Variants in CEP72 observed in about 807,000 individuals in gnomAD.
CEP72 encodes centrosomal protein of 72 kDa.
Under a neutral mutation model 65.7 loss-of-function variants are expected in CEP72, and 78 were observed. The ratio of observed to expected loss-of-function variants is 1.19; its 90% CI spans 0.99 to 1.43. The LOEUF is 1.43. Among genes scored for constraint, CEP72 ranks in the 40% most tolerant of loss-of-function variants. The pLI, the probability that CEP72 is intolerant of heterozygous loss-of-function variation, is 0.00. For synonymous variants in CEP72, 358 were observed against 351.7 expected, an observed-to-expected ratio of 1.02 and a Z score of -0.20; for missense variants, 914 against 832.9, an observed-to-expected ratio of 1.10 and a Z score of -1.20.
At chr5:664,815 T>G (rs1015096700) in intron 2 of CEP72, 11 of 395,740 alleles carry the variant, frequency 2.8e-5, no homozygotes, top group Non-Finnish European at 4.6e-5. Flanking sequence ...GCAAACCACG[T>G]GCCCAGTGTG....
the CEP72 span, among the ~76,000 whole-genome samples, chr5:673,815 TG>T: frequency 2.0e-4 from 31 of 152,164 alleles, no homozygotes; most frequent in Admixed American, 9.8e-4. Flanking sequence ...CCAGACCAGC[TG>T]GGGCTCCTCC....
Position 612,341 on chromosome 5 carries a change from T to C in CEP72, c.-21T>C, listed in dbSNP as rs543994714. ...CGCCCCGCCCGCCGCGCAGGCGCCG[T>C]CCGAGGGCTCCGTTTGAAACATGGC... On this transcript the variant is annotated 5_prime_UTR_variant, in exon 1 of 12. Transcript: ENST00000264935. 2.7e-4 allele frequency: 399 copies of C among 1,483,320 alleles called. 2 individuals carry two copies. In the South Asian group the frequency reaches 4.5e-3, roughly 17 times the overall value. 91.9% of individuals were successfully genotyped at this position (1,483,320 alleles called of 1,614,324 possible).
At chr5:666,484 C>T (rs1248093722) in intron 4 of CEP72, among the ~76,000 whole-genome samples, 1 of 152,230 alleles carries the variant, frequency 6.6e-6, no homozygotes, top group African/African-American at 2.4e-5. Context: ...CTAGGACCTG[C>T]TGGGGCCCCG....
At position 619,400 on chromosome 5, in the gene CEP72, C is replaced by G. The variant is rs567230539; in HGVS notation, c.210+283C>G. Among the ~76,000 whole-genome samples, 4 of 152,334 alleles carry G rather than the reference C, an allele frequency of 2.6e-5. No homozygotes were observed. In the East Asian group the frequency reaches 7.7e-4, roughly 29 times the overall value. ...AGTGGGCCTGGGGCTGCCTCCTGGG[C>G]TCCTGGCAGGGTCACCCTGGAGAGA... On this transcript the variant is annotated intron_variant, in intron 2 of 11. Coordinates refer to ENST00000264935, the MANE Select transcript of CEP72 (RefSeq NM_018140.4).
intron 11 of CEP72, 147 bp from the exon 12 acceptor site, chr5:652,841 A>G: frequency 1.2e-6 from 1 of 868,742 alleles, no homozygotes; most frequent in East Asian, 2.9e-5. Flanking sequence ...TGGGACACAG[A>G]AGGTGATGGG....
chr5:652,532 A>G (rs1417793770), intron 11 of CEP72, among the ~76,000 whole-genome samples: 3 of 152,256 alleles, frequency 2.0e-5, no homozygotes, highest in Non-Finnish European at 4.4e-5. Context: ...CAACAGCATT[A>G]AAGACTAGGA....
At chr5:648,517 T>G in intron 11 of CEP72, among the ~76,000 whole-genome samples, 1 of 80,592 alleles carries the variant, frequency 1.2e-5, no homozygotes, top group Non-Finnish European at 2.4e-5. Flanking sequence ...GTGTGGACTG[T>G]GAGGTGTGAC....
chr5:651,493 T>G (rs1304915606), intron 11 of CEP72, among the ~76,000 whole-genome samples: 1 of 151,974 alleles, frequency 6.6e-6, no homozygotes, highest in African/African-American at 2.4e-5. Context: ...CTGGTTCCCC[T>G]GGGCGGTAGT....
In CEP72 at chr5:644,379, A is replaced by C; in HGVS notation, c.1620A>C (p.Glu540Asp). The change falls in exon 10 of 12, where the codon GAA (glutamate) becomes GAC (aspartate). Residue 540 changes from glutamate (E) to aspartate (D), a missense_variant. Glu to Asp is a conservative substitution (Grantham distance 45). Transcript: ENST00000264935. ...LKSLLLSMKK[E>D]VKSADTAATL... ...CGCTTTTGTTGAGTATGAAAAAGGA[A>C]GTGAAGAGTGCAGACACTGCAGCCA... The C allele has an allele frequency of 6.2e-7, 1 of 1,613,990 alleles. No individual in the cohort carries two copies.
chr5:633,676 G>A, intron 4 of CEP72, 93 bp from the exon 5 acceptor site: 1 of 1,242,612 alleles, frequency 8.0e-7, no homozygotes. Context: ...GCTTCTCTCA[G>A]AGACCGTGCA....
In CEP72 at chr5:649,814, G is replaced by C. The variant is rs1229872401; in HGVS notation, c.1778+1898G>C. Among the ~76,000 whole-genome samples the C allele has an allele frequency of 3.3e-5, 3 of 89,974 alleles. 1 individual carries two copies. Among genetic ancestry groups the C allele is most frequent in the Non-Finnish European group, 7.1e-5 (3 of 42,412 alleles). The allele number at this position is 89,974 out of a possible 152,430, so 59.0% of individuals were successfully genotyped here. A position where few individuals can be genotyped will look rare whatever the true frequency, so the allele number is the denominator to read the frequency against. On this transcript the variant is annotated intron_variant, in intron 11 of 11. Transcript: ENST00000264935. The stretch of plus-strand genomic sequence containing the variant: ...TGAGGTGTGACTGTGAGGTGTGACT[G>C]TGAGGTGTGGACTGTGAGGCGTGAC...
At chr5:619,754 A>G (rs1399778775) in intron 2 of CEP72, among the ~76,000 whole-genome samples, 1 of 152,080 alleles carries the variant, frequency 6.6e-6, no homozygotes, top group Non-Finnish European at 1.5e-5. Flanking sequence ...GATGGTTCTC[A>G]CCCTGTAGGG....
intron 11 of CEP72, among the ~76,000 whole-genome samples, chr5:651,217 C>T (rs1433649897): frequency 4.7e-5 from 3 of 63,550 alleles, no homozygotes; most frequent in Admixed American, 2.1e-4. Flanking sequence ...GACTGTGAGG[C>T]GTGGACTGTG....
At chr5:618,962 TA>T in intron 1 of CEP72, 27 bp from the exon 2 acceptor site, 1 of 1,562,130 alleles carries the variant, frequency 6.4e-7, no homozygotes, top group Non-Finnish European at 8.8e-7. Context: ...AATAAAAGAT[TA>T]AAATCTTACA....
At chr5:638,571 G>GC (rs1313496506) in intron 7 of CEP72, among the ~76,000 whole-genome samples, 2 of 151,786 alleles carry the variant, frequency 1.3e-5, no homozygotes, top group Non-Finnish European at 2.9e-5. Flanking sequence ...GGTGGGGGGG[G>GC]GTCCCAGAGC....
At chr5:649,477 T>TG (rs1163785146) in intron 11 of CEP72, among the ~76,000 whole-genome samples, 2 of 50,322 alleles carry the variant, frequency 4.0e-5, no homozygotes, top group South Asian at 8.2e-4. Flanking sequence ...CTGTGAGGTG[T>TG]GACTGTGAGG....
downstream of CEP72, among the ~76,000 whole-genome samples, chr5:654,741 T>C (rs1037046259): frequency 4.6e-5 from 7 of 152,202 alleles, no homozygotes; most frequent in African/African-American, 1.7e-4. Flanking sequence ...TTGGGTTTCA[T>C]TGAGCTTCTT....
At chr5:654,312 GTGTGTACGCTTGTGTGTGCGC>G (rs1199432960), downstream of CEP72, among the ~76,000 whole-genome samples, 1 of 150,212 alleles carries the variant, frequency 6.7e-6, no homozygotes, top group African/African-American at 2.5e-5. Flanking sequence ...TGTGCTAGCT[GTGTGTACGCTTGTGTGTGCGC>G]TGTGTGTGCG....
At chr5:639,017 G>A (rs894866891) in intron 7 of CEP72, 72 bp from the exon 8 acceptor site, 23 of 1,593,556 alleles carry the variant, frequency 1.4e-5, no homozygotes, top group African/African-American at 6.7e-5. Flanking sequence ...CCCAGGGTGC[G>A]CTTGGGCACC....
Sources: gnomAD v4.1 joint callset for allele counts (sites outside exome capture counted in the v4.1 genomes callset) on GRCh38, gnomAD v4.1.1 for gene constraint, MANE v1.5 for transcripts, NCBI Gene and HGNC (gene_info 2026-07-23, HGNC 2026-07-21) for gene names.